The following SNTB1 variants were observed in gnomAD, a reference collection of about 807,000 sequenced individuals.
The protein encoded by SNTB1 is syntrophin beta 1, also known as beta-1-syntrophin.
Under a neutral mutation model 48.9 loss-of-function variants are expected in SNTB1, and 36 were observed. The ratio of observed to expected loss-of-function variants is 0.74; its 90% CI spans 0.56 to 0.97. SNTB1 has a LOEUF of 0.97. Among genes scored for constraint, SNTB1 ranks in the 50% least tolerant of loss-of-function variants. The pLI, the probability that SNTB1 is intolerant of heterozygous loss-of-function variation, is 0.00. For synonymous variants in SNTB1, 299 were observed against 294.6 expected (o/e 1.01, Z -0.15); for missense variants, 786 against 703.4 (o/e 1.12, Z -1.33).
At chr8:120,656,240 G>C (rs750126812) in intron 2 of SNTB1, among the ~76,000 whole-genome samples, 2 of 152,176 alleles carry the variant, frequency 1.3e-5, no homozygotes, top group Non-Finnish European at 2.9e-5. Flanking sequence ...GAAACCAGAA[G>C]AGGTGTTCTG....
At position 120,685,337 on chromosome 8, in the gene SNTB1, C is replaced by T. The variant is rs139968275; in HGVS notation, c.788+8355G>A. Among the ~76,000 whole-genome samples the T allele has an allele frequency of 4.1e-4, 63 of 152,348 alleles. No individual in the cohort carries two copies. The East Asian group carries it at 4.2e-3, about 10-fold the overall frequency. ...TCTTTCTGGGCCCCAAGGCCCCACACGGCGTCCTTTGAAATCTAGGTGGAG... is the reference window on the plus strand; with the variant it reads ...TCTTTCTGGGCCCCAAGGCCCCACATGGCGTCCTTTGAAATCTAGGTGGAG... On this transcript the variant is annotated intron_variant, in intron 2 of 6. Coordinates refer to ENST00000517992, the MANE Select transcript of SNTB1 (RefSeq NM_021021.4).
rs115253480 is a variant in SNTB1 at position 120,684,608 on chromosome 8, G to T, written c.788+9084C>A. ...AAGGGAAAAATAGGAAGAAAGAAAG[G>T]AATAACAGGTCTTGACCAAATCTAT... On this transcript the variant is annotated intron_variant, in intron 2 of 6. Coordinates refer to ENST00000517992, the MANE Select transcript of SNTB1 (RefSeq NM_021021.4). Among the ~76,000 whole-genome samples, 524 of 151,606 alleles carry T rather than the reference G, an allele frequency of 3.5e-3. 4 individuals are homozygous for T. Among genetic ancestry groups the T allele is most frequent in the African/African-American group, 0.012 (498 of 41,336 alleles).
At chr8:120,713,125 G>A (rs1200323625) in intron 1 of SNTB1, among the ~76,000 whole-genome samples, 1 of 152,110 alleles carries the variant, frequency 6.6e-6, no homozygotes, top group Admixed American at 6.5e-5. Context: ...TCTGGGTTGA[G>A]GTTCAGTTCT....
chr8:120,703,102 T>C (rs1337978146), intron 1 of SNTB1, among the ~76,000 whole-genome samples: 1 of 152,120 alleles, frequency 6.6e-6, no homozygotes, highest in Admixed American at 6.6e-5. Context: ...ACAAATAGAA[T>C]CTCCACAACA....
At chr8:120,643,275 A>G (rs1237080452) in intron 2 of SNTB1, among the ~76,000 whole-genome samples, 1 of 152,098 alleles carries the variant, frequency 6.6e-6, no homozygotes. Context: ...TGTTTCTCTG[A>G]TTTTTAGATT....
intron 1 of SNTB1, among the ~76,000 whole-genome samples, chr8:120,731,908 T>A (rs1563583413): frequency 6.6e-6 from 1 of 152,224 alleles, no homozygotes; most frequent in African/African-American, 2.4e-5. Flanking sequence ...GAATGCTATA[T>A]AACTTCTGCA....
chr8:120,597,903 A>G (rs1471667259), intron 3 of SNTB1, among the ~76,000 whole-genome samples: 2 of 152,264 alleles, frequency 1.3e-5, no homozygotes, highest in African/African-American at 4.8e-5. Flanking sequence ...GGTGACTTAC[A>G]TATAATTCCA....
intron 2 of SNTB1, among the ~76,000 whole-genome samples, chr8:120,679,860 T>TA (rs1196999478): frequency 5.9e-5 from 2 of 33,866 alleles, no homozygotes; most frequent in Non-Finnish European, 9.4e-5. Flanking sequence ...TCTTGAGATA[T>TA]TTTTTTTTTT....
At position 120,575,158 on chromosome 8, in the gene SNTB1, A is replaced by G. The variant is rs1360282484; in HGVS notation, c.1064T>C (p.Ile355Thr). 1 of 1,614,134 alleles carries G rather than the reference A, an allele frequency of 6.2e-7. No homozygotes were observed. Among genetic ancestry groups the G allele is most frequent in the Non-Finnish European group, 8.5e-7 (1 of 1,180,010 alleles). Residue 355 changes from isoleucine to threonine, a missense_variant, in exon 4 of 7, where the codon ATC (isoleucine) becomes ACC (threonine). Coordinates refer to ENST00000517992, the MANE Select transcript of SNTB1 (RefSeq NM_021021.4). ...LVVLTEKDLL[I>T]YDSMPRRKEA... The stretch of plus-strand genomic sequence containing the variant: ...CTTCCTCCGTGGCATGCTGTCATAG[A>G]TTAAAAGGTCTTTCTCAGTCAGCAC...
intron 1 of SNTB1, among the ~76,000 whole-genome samples, chr8:120,722,663 T>C (rs1818683762): frequency 6.6e-6 from 1 of 152,216 alleles, no homozygotes. Context: ...GATGAGTAGA[T>C]TGCAAAAATT....
At chr8:120,669,445 T>TAAACTGTAATGGGATGAATCA (rs1587076145) in intron 2 of SNTB1, among the ~76,000 whole-genome samples, 1 of 81,326 alleles carries the variant, frequency 1.2e-5, no homozygotes, top group Admixed American at 1.0e-4. Flanking sequence ...AAATGCTTGT[T>TAAACTGTAATGGGATGAATCA]TTTTTTTTTT....
chr8:120,560,137 T>C (rs2130666139), intron 4 of SNTB1, among the ~76,000 whole-genome samples: 1 of 152,322 alleles, frequency 6.6e-6, no homozygotes, highest in African/African-American at 2.4e-5. Context: ...CCCTGCATCA[T>C]TTCCCCCAGC....
chr8:120,758,212 C>G (rs1819350660), intron 1 of SNTB1, among the ~76,000 whole-genome samples: 1 of 152,172 alleles, frequency 6.6e-6, no homozygotes, highest in Non-Finnish European at 1.5e-5. Context: ...TTGCACTTCT[C>G]AAATTTTGTC....
intron 1 of SNTB1, chr8:120,761,191 T>A (rs1819413289): frequency 6.6e-6 from 1 of 152,132 alleles, no homozygotes; most frequent in Non-Finnish European, 1.5e-5. Flanking sequence ...TAACAGAGGA[T>A]GATAGCTGAA....
At chr8:120,712,750 G>A (rs189267776) in intron 1 of SNTB1, among the ~76,000 whole-genome samples, 448 of 152,232 alleles carry the variant, frequency 2.9e-3, no homozygotes, top group Non-Finnish European at 4.9e-3. Context: ...AGGCAACTAT[G>A]AACTGTCCAT....
At chr8:120,660,785 C>T (rs921376844) in intron 2 of SNTB1, among the ~76,000 whole-genome samples, 11 of 152,144 alleles carry the variant, frequency 7.2e-5, no homozygotes, top group East Asian at 1.9e-4. Context: ...AGAGACGAGA[C>T]GTGTGACTCT....
intron 3 of SNTB1, among the ~76,000 whole-genome samples, chr8:120,617,181 T>C (rs1413082184): frequency 6.6e-6 from 1 of 152,218 alleles, no homozygotes; most frequent in East Asian, 1.9e-4. Context: ...TCTTCTAATG[T>C]GGCCCAGGAA....
chr8:120,641,888 A>AT (rs1417668697), intron 2 of SNTB1, among the ~76,000 whole-genome samples: 4 of 152,084 alleles, frequency 2.6e-5, no homozygotes, highest in Non-Finnish European at 5.9e-5. Flanking sequence ...GTTTGCTTTC[A>AT]TTTTTTGTTG....
intron 4 of SNTB1, chr8:120,571,325 G>A (rs1815838765): frequency 7.8e-7 from 1 of 1,287,974 alleles, no homozygotes; most frequent in Non-Finnish European, 1.0e-6. Context: ...TCTGTTGCGG[G>A]AATGTCTCAG....
Sources: allele counts gnomAD v4.1 joint callset (sites outside exome capture counted in the v4.1 genomes callset), GRCh38; gene constraint gnomAD v4.1.1; transcripts MANE v1.5; gene names NCBI Gene and HGNC (gene_info 2026-07-23, HGNC 2026-07-21).